Variants in TDRD1 observed in about 807,000 individuals in gnomAD.
TDRD1 encodes tudor domain containing 1, also known as tudor domain-containing protein 1.
In TDRD1, 37 loss-of-function variants were observed where a neutral mutation model predicts 140.6. The ratio of observed to expected loss-of-function variants is 0.26; its 90% CI spans 0.20 to 0.35. The LOEUF (loss-of-function observed/expected upper bound fraction) is 0.35. TDRD1 is among the 10% of genes least tolerant of loss of function. TDRD1 has a pLI of 1.00. For missense variants in TDRD1, 1,243 were observed against 1,393.0 expected (o/e 0.89, Z 1.71); for synonymous variants, 506 against 475.7 (o/e 1.06, Z -0.83).
At chr10:114,197,300 T>C (rs906894149) in intron 3 of TDRD1, among the ~76,000 whole-genome samples, 7 of 152,188 alleles carry the variant, frequency 4.6e-5, no homozygotes, top group Non-Finnish European at 1.0e-4. Context: ...GTTTCTGTGG[T>C]TCTATCTTCA....
At chr10:114,185,932 C>T (rs1049932135) in intron 1 of TDRD1, among the ~76,000 whole-genome samples, 1 of 152,066 alleles carries the variant, frequency 6.6e-6, no homozygotes, top group African/African-American at 2.4e-5. Flanking sequence ...ATATTTTAGT[C>T]CTTTTACTTG....
chr10:114,194,802 A>C (rs2034229868), intron 3 of TDRD1, among the ~76,000 whole-genome samples: 1 of 144,320 alleles, frequency 6.9e-6, no homozygotes, highest in African/African-American at 2.6e-5. Context: ...TCTGTCATCC[A>C]GGCTGGAGTG....
At chr10:114,177,051 G>A (rs944367482), upstream of TDRD1, among the ~76,000 whole-genome samples, 5 of 151,604 alleles carry the variant, frequency 3.3e-5, no homozygotes, top group African/African-American at 1.2e-4. Flanking sequence ...TCTGAGCAAG[G>A]AAATACAGTA....
At chr10:114,229,111 AAC>A (rs1280907937) in intron 25 of TDRD1, among the ~76,000 whole-genome samples, 3 of 152,200 alleles carry the variant, frequency 2.0e-5, no homozygotes, top group South Asian at 2.1e-4. Flanking sequence ...CAAAAAAAAA[AAC>A]AACCTCTAAT....
rs941713558 is a variant in TDRD1 at position 114,217,668 on chromosome 10, T to G, written c.2323+13T>G. The G allele has an allele frequency of 1.4e-6, 2 of 1,390,690 alleles. No individual in the cohort carries two copies. Among genetic ancestry groups the G allele is most frequent in the Non-Finnish European group, 2.0e-6 (2 of 983,914 alleles). 86.1% of individuals were successfully genotyped at this position (1,390,690 alleles called of 1,614,324 possible). A position where few individuals can be genotyped will look rare whatever the true frequency, so the allele number is the denominator to read the frequency against. On this transcript the variant is annotated intron_variant, in intron 17 of 25. Transcript: ENST00000251864. ...GCTTTTTTTGCAGGTAAGTTGCAAT[T>G]GATGCAATCTTGACTTTTAGAACCT... is the stretch of plus-strand genomic sequence containing the variant.
chr10:114,212,482 C>T (rs1446001927), intron 14 of TDRD1, among the ~76,000 whole-genome samples: 1 of 152,192 alleles, frequency 6.6e-6, no homozygotes, highest in East Asian at 1.9e-4. Context: ...AGTCCATTCT[C>T]ATACACATTG....
rs534383318 is a variant in TDRD1, at chr10:114,192,127, T to C, written c.384+1108T>C. Reference sequence around the variant, plus strand: ...ATTGGTCCTTTGTCAAGTACGTGATTTGCCAATATTTTTTCCTAATCTGTA... The same window carrying C: ...ATTGGTCCTTTGTCAAGTACGTGATCTGCCAATATTTTTTCCTAATCTGTA... On this transcript the variant is annotated intron_variant, in intron 3 of 25. Transcript: ENST00000251864. Among the ~76,000 whole-genome samples, 84 of 152,042 alleles carry C rather than the reference T, an allele frequency of 5.5e-4. 1 individual carries two copies. Among genetic ancestry groups the C allele is most frequent in the Admixed American group, 1.0e-3 (16 of 15,278 alleles).
At chr10:114,181,857 A>G (rs910467570) in intron 1 of TDRD1, among the ~76,000 whole-genome samples, 4 of 152,106 alleles carry the variant, frequency 2.6e-5, no homozygotes, top group African/African-American at 9.7e-5. Flanking sequence ...AAAAAAAAAA[A>G]AAAAATTCAC....
At chr10:114,176,410 G>T (rs2032697679), upstream of TDRD1, among the ~76,000 whole-genome samples, 2 of 152,064 alleles carry the variant, frequency 1.3e-5, no homozygotes, top group African/African-American at 4.8e-5. The surrounding 1 kb of genome is among the most constrained non-coding windows in gnomAD (Gnocchi z 4.2). Context: ...TTTTGATACT[G>T]ATTTGAACAT....
intron 21 of TDRD1, among the ~76,000 whole-genome samples, chr10:114,222,949 C>T (rs2036228640): frequency 1.3e-5 from 2 of 152,086 alleles, no homozygotes; most frequent in Admixed American, 6.6e-5. Context: ...AGATAACCAG[C>T]TCGAGATAAC....
intron 7 of TDRD1, 74 bp from the exon 8 acceptor site, chr10:114,203,314 T>TTG (rs1298022401): frequency 6.5e-7 from 1 of 1,531,086 alleles, no homozygotes; most frequent in African/African-American, 1.4e-5. Context: ...TGTGTCTTAG[T>TTG]TACAAAGCTT....
At chr10:114,231,625 C>T in exon 26 of TDRD1, 1 of 902,206 alleles carries the variant, frequency 1.1e-6, no homozygotes, top group South Asian at 2.0e-5. Context: ...CCTTCTATCC[C>T]TCCGTTTTTG....
At chr10:114,192,292 C>CTTTTTTTTTTTTTTTTTTTTTTTTTTTT (rs938140798) in intron 3 of TDRD1, among the ~76,000 whole-genome samples, 1 of 75,112 alleles carries the variant, frequency 1.3e-5, no homozygotes. Flanking sequence ...GATAGTTTTC[C>CTTTTTTTTTTTTTTTTTTTTTTTTTTTT]TTTTTTTTTT....
chr10:114,182,040 A>G (rs187942489), intron 1 of TDRD1, among the ~76,000 whole-genome samples: 1 of 152,290 alleles, frequency 6.6e-6, no homozygotes, highest in African/African-American at 2.4e-5. Flanking sequence ...ATCTGGATTC[A>G]CAGTAGTACT....
At chr10:114,222,103 G>A (rs1257730912) in intron 20 of TDRD1, among the ~76,000 whole-genome samples, 1 of 152,180 alleles carries the variant, frequency 6.6e-6, no homozygotes, top group East Asian at 1.9e-4. Context: ...CTGTGGTAAT[G>A]CCAATAACTG....
Position 114,224,870 on chromosome 10 carries a change from A to G in TDRD1, c.3008-1179A>G, listed in dbSNP as rs542962568. 2.0e-5 allele frequency among the ~76,000 whole-genome samples: 3 copies of G among 152,220 alleles called. No individual in the cohort carries two copies. In the South Asian group the frequency reaches 6.2e-4, roughly 32 times the overall value. On this transcript the variant is annotated intron_variant, in intron 21 of 25. Coordinates refer to ENST00000251864, the Ensembl canonical transcript of TDRD1. ...CTGTGATGTTAGAGGCTTTCTGCAAATCTCTGGTGATCCTATGCTGTTCCT... is the reference window on the plus strand; with the variant it reads ...CTGTGATGTTAGAGGCTTTCTGCAAGTCTCTGGTGATCCTATGCTGTTCCT...
chr10:114,202,216 G>A (rs1028702518), intron 5 of TDRD1, 22 bp from the exon 6 acceptor site: 24 of 1,584,922 alleles, frequency 1.5e-5, no homozygotes, highest in Non-Finnish European at 1.9e-5. Context: ...TATAAATATT[G>A]TAATCTGTTG....
rs139312293 is a variant in TDRD1, at chr10:114,196,176, G to A, written c.385-2997G>A. Among the ~76,000 whole-genome samples, 691 of 152,274 alleles carry A rather than the reference G, an allele frequency of 4.5e-3. 2 individuals are homozygous for A. Among genetic ancestry groups the A allele is most frequent in the Non-Finnish European group, 8.1e-3 (548 of 68,022 alleles). ...TTCATTTATTGGGTCTCGAACTCCT[G>A]AGCTCAGTCCTCCCACCTCAGACTC... On this transcript the variant is annotated intron_variant, in intron 3 of 25. Transcript: ENST00000251864.
intron 14 of TDRD1, among the ~76,000 whole-genome samples, chr10:114,212,921 T>C (rs1444668696): frequency 6.6e-6 from 1 of 152,252 alleles, no homozygotes; most frequent in Admixed American, 6.5e-5. Context: ...GTATGGTCTC[T>C]CGTGCCTATT....
Sources: allele counts gnomAD v4.1 joint callset (sites outside exome capture counted in the v4.1 genomes callset), GRCh38; gene constraint gnomAD v4.1.1; non-coding constraint Gnocchi (gnomAD v3.1); transcripts MANE v1.5; gene names NCBI Gene and HGNC (gene_info 2026-07-23, HGNC 2026-07-21).